The following KCND2 variants were observed in gnomAD, a reference collection of about 807,000 sequenced individuals.
The protein encoded by KCND2 is A-type voltage-gated potassium channel KCND2.
In KCND2, 16 loss-of-function variants were observed where a neutral mutation model predicts 54.4. That is an observed-to-expected ratio of 0.29 (90% CI 0.20 to 0.45). KCND2 has a LOEUF of 0.45. KCND2 is among the 20% of genes least tolerant of loss of function. KCND2 has a pLI of 1.00. For synonymous variants in KCND2, 317 were observed against 310.7 expected, an observed-to-expected ratio of 1.02 and a Z score of -0.21; for missense variants, 486 against 824.2, an observed-to-expected ratio of 0.59 and a Z score of 5.02.
At chr7:120,430,434 C>T (rs1801772417) in intron 1 of KCND2, among the ~76,000 whole-genome samples, 1 of 152,196 alleles carries the variant, frequency 6.6e-6, no homozygotes, top group South Asian at 2.1e-4. Context: ...GCCTGGCCAA[C>T]ATGGTGAAAC....
intron 1 of KCND2, among the ~76,000 whole-genome samples, chr7:120,534,877 TAAAAG>T (rs1455644797): frequency 6.6e-6 from 1 of 152,168 alleles, no homozygotes; most frequent in African/African-American, 2.4e-5. Context: ...AGTGGAATGA[TAAAAG>T]AAATAATTTT....
chr7:120,482,693 C>T (rs1309189995), intron 1 of KCND2, among the ~76,000 whole-genome samples: 5 of 152,084 alleles, frequency 3.3e-5, no homozygotes, highest in Admixed American at 2.6e-4. Context: ...CAGGATGACC[C>T]TTGACAGATG....
chr7:120,705,423 T>TA (rs1392487965), intron 1 of KCND2, among the ~76,000 whole-genome samples: 1 of 152,186 alleles, frequency 6.6e-6, no homozygotes, highest in African/African-American at 2.4e-5. Flanking sequence ...AGTTTGCAGT[T>TA]AGACTTAGCT....
chr7:120,314,974 T>G (rs1376496303), intron 1 of KCND2, among the ~76,000 whole-genome samples: 1 of 152,016 alleles, frequency 6.6e-6, no homozygotes, highest in African/African-American at 2.4e-5. Context: ...AAAGAAAGCA[T>G]GCACAGCACA....
At chr7:120,542,162 T>G (rs1248527611) in intron 1 of KCND2, among the ~76,000 whole-genome samples, 4 of 152,186 alleles carry the variant, frequency 2.6e-5, no homozygotes, top group African/African-American at 9.6e-5. Context: ...GCAATAAAAT[T>G]AATGACACTG....
intron 1 of KCND2, among the ~76,000 whole-genome samples, chr7:120,513,471 A>G (rs1368434632): frequency 5.3e-5 from 8 of 152,062 alleles, no homozygotes; most frequent in African/African-American, 1.9e-4. Flanking sequence ...AAATTTTTAC[A>G]TTTTTACACA....
At chr7:120,386,985 A>G (rs1800998305) in intron 1 of KCND2, among the ~76,000 whole-genome samples, 1 of 152,254 alleles carries the variant, frequency 6.6e-6, no homozygotes, top group South Asian at 2.1e-4. Context: ...TAACTAAATC[A>G]TCATGAGCAT....
At chr7:120,558,550 G>A (rs968137129) in intron 1 of KCND2, among the ~76,000 whole-genome samples, 1 of 152,062 alleles carries the variant, frequency 6.6e-6, no homozygotes, top group Non-Finnish European at 1.5e-5. Flanking sequence ...GAACTAAATG[G>A]GATCTGTAGG....
At chr7:120,291,728 C>T (rs1194072380) in intron 1 of KCND2, among the ~76,000 whole-genome samples, 1 of 151,794 alleles carries the variant, frequency 6.6e-6, no homozygotes, top group East Asian at 1.9e-4. Context: ...TCTACAGAGC[C>T]TGGATGCAGT....
At chr7:120,477,935 A>G (rs553835662) in intron 1 of KCND2, among the ~76,000 whole-genome samples, 1 of 152,306 alleles carries the variant, frequency 6.6e-6, no homozygotes, top group African/African-American at 2.4e-5. Flanking sequence ...TATTGTCACA[A>G]ACTTCTCAAT....
intron 1 of KCND2, among the ~76,000 whole-genome samples, chr7:120,459,672 T>G (rs964541673): frequency 2.0e-5 from 3 of 152,200 alleles, no homozygotes; most frequent in Non-Finnish European, 4.4e-5. Flanking sequence ...AATAAATGAT[T>G]GAATAATAAG....
At chr7:120,641,572 G>GC (rs899580927) in intron 1 of KCND2, among the ~76,000 whole-genome samples, 2 of 152,188 alleles carry the variant, frequency 1.3e-5, no homozygotes, top group East Asian at 3.9e-4. Flanking sequence ...CAGGAGAAAT[G>GC]CCCCCCAGAT....
rs182696954 is a variant in KCND2, at chr7:120,713,060, T to G, written c.1116-19843T>G. Among the ~76,000 whole-genome samples the G allele has an allele frequency of 2.1e-3, 323 of 152,286 alleles. 6 individuals carry two copies. Among genetic ancestry groups the G allele is most frequent in the East Asian group, 0.01 (52 of 5,180 alleles). On this transcript the variant is annotated intron_variant, in intron 1 of 5. Transcript: ENST00000331113. Reference sequence around the variant, plus strand: ...CTTGCTAAGCCTCCTTTCCCTTACCTGTAATAAAGGTGTAATATTAATAGC... The same window carrying G: ...CTTGCTAAGCCTCCTTTCCCTTACCGGTAATAAAGGTGTAATATTAATAGC...
intron 2 of KCND2, among the ~76,000 whole-genome samples, chr7:120,738,315 C>T (rs1340196071): frequency 6.6e-6 from 1 of 152,002 alleles, no homozygotes; most frequent in African/African-American, 2.4e-5. Context: ...TCATTTGCTT[C>T]ATCTGTTTGA....
chr7:120,404,503 A>G (rs1801319706), intron 1 of KCND2, among the ~76,000 whole-genome samples: 1 of 152,176 alleles, frequency 6.6e-6, no homozygotes, highest in African/African-American at 2.4e-5. Context: ...AAGGAAAATG[A>G]GAAAAATTCA....
intron 1 of KCND2, among the ~76,000 whole-genome samples, chr7:120,619,588 G>A (rs1403710661): frequency 1.3e-5 from 2 of 152,180 alleles, no homozygotes; most frequent in Non-Finnish European, 2.9e-5. Context: ...TGCTACTTCA[G>A]TAGGTAAAAG....
intron 1 of KCND2, among the ~76,000 whole-genome samples, chr7:120,423,435 A>G (rs1430528242): frequency 1.3e-5 from 2 of 152,222 alleles, no homozygotes; most frequent in East Asian, 3.8e-4. Flanking sequence ...TTCTTTGGAG[A>G]TGTCAGAAAT....
intron 1 of KCND2, among the ~76,000 whole-genome samples, chr7:120,627,990 A>G (rs573762816): frequency 6.6e-6 from 1 of 152,294 alleles, no homozygotes; most frequent in East Asian, 1.9e-4. Flanking sequence ...TACAATAATT[A>G]GTAATTTTTT....
intron 1 of KCND2, among the ~76,000 whole-genome samples, chr7:120,678,342 T>TA (rs1491447757): frequency 4.7e-5 from 4 of 84,806 alleles, no homozygotes; most frequent in African/African-American, 1.3e-4. Flanking sequence ...GGTATGATTA[T>TA]TTATATATAT....
Sources: gnomAD v4.1 joint callset for allele counts (sites outside exome capture counted in the v4.1 genomes callset) on GRCh38, gnomAD v4.1.1 for gene constraint, MANE v1.5 for transcripts, NCBI Gene and HGNC (gene_info 2026-07-23, HGNC 2026-07-21) for gene names.